Variants in ATG7 observed in about 807,000 individuals in gnomAD.
ATG7 encodes the protein autophagy related 7.
ATG7 carries 70 observed loss-of-function variants against 82.4 expected under a neutral mutation model. That is an observed-to-expected ratio of 0.85 (90% CI 0.70 to 1.04). ATG7 has a LOEUF of 1.04. Ranked by LOEUF, ATG7 falls within the 50% of genes least tolerant of loss-of-function variation. The pLI, the probability that ATG7 is intolerant of heterozygous loss-of-function variation, is 0.00. For synonymous variants in ATG7, 287 were observed against 313.0 expected (o/e 0.92, Z 0.88); for missense variants, 792 against 864.3 (o/e 0.92, Z 1.05).
intron 19 of ATG7, among the ~76,000 whole-genome samples, chr3:11,393,049 G>A (rs1345344065): frequency 7.2e-5 from 11 of 152,122 alleles, no homozygotes; most frequent in African/African-American, 2.4e-4. Context: ...CTCAATACAG[G>A]ACACATCTAA....
chr3:11,495,544 G>A (rs2090759514), intron 20 of ATG7, among the ~76,000 whole-genome samples: 1 of 152,136 alleles, frequency 6.6e-6, no homozygotes, highest in Non-Finnish European at 1.5e-5. Context: ...GACTAGTTGT[G>A]CTCCAGAAGG....
chr3:11,390,327 A>T (rs1021836450), intron 19 of ATG7, among the ~76,000 whole-genome samples: 1 of 152,230 alleles, frequency 6.6e-6, no homozygotes, highest in Non-Finnish European at 1.5e-5. Flanking sequence ...GAGTAAGAAA[A>T]CAAAAACATG....
chr3:11,536,657 C>G (rs532212248), intron 20 of ATG7, among the ~76,000 whole-genome samples: 1 of 152,344 alleles, frequency 6.6e-6, no homozygotes, highest in Non-Finnish European at 1.5e-5. Flanking sequence ...AGCGGACCCT[C>G]TTGCCACTGC....
At chr3:11,513,281 C>T (rs546179600) in intron 20 of ATG7, among the ~76,000 whole-genome samples, 13 of 152,322 alleles carry the variant, frequency 8.5e-5, no homozygotes, top group South Asian at 4.1e-4. Flanking sequence ...TGAGACTGGG[C>T]GCCGTGGAGC....
At chr3:11,554,399 A>G (rs1333007207) in intron 20 of ATG7, among the ~76,000 whole-genome samples, 2 of 152,216 alleles carry the variant, frequency 1.3e-5, no homozygotes, top group Non-Finnish European at 2.9e-5. Flanking sequence ...GCACGTGCCC[A>G]TGCCAGAATT....
intron 19 of ATG7, among the ~76,000 whole-genome samples, chr3:11,406,867 A>G (rs1039836953): frequency 2.0e-5 from 3 of 152,176 alleles, no homozygotes; most frequent in Admixed American, 1.3e-4. Context: ...CTCCCATAAC[A>G]TATGGGAATT....
chr3:11,448,161 A>G (rs182104619), intron 20 of ATG7, among the ~76,000 whole-genome samples: 125 of 152,300 alleles, frequency 8.2e-4, no homozygotes, highest in Admixed American at 2.4e-3. Context: ...GTCTTTATTC[A>G]CTGAGGCTTT....
At chr3:11,295,229 ACAGTG>A (rs1206911050) in intron 3 of ATG7, among the ~76,000 whole-genome samples, 1 of 152,212 alleles carries the variant, frequency 6.6e-6, no homozygotes, top group Non-Finnish European at 1.5e-5. Flanking sequence ...AATTTTAGGG[ACAGTG>A]ATGTGTTGTC....
intron 9 of ATG7, among the ~76,000 whole-genome samples, chr3:11,321,748 C>A (rs1950254387): frequency 6.6e-6 from 1 of 152,190 alleles, no homozygotes; most frequent in African/African-American, 2.4e-5. Flanking sequence ...TAACAACACC[C>A]CCTTCCTTGT....
intron 20 of ATG7, among the ~76,000 whole-genome samples, chr3:11,470,004 A>AAAAAAAAAAAAAG (rs2087292912): frequency 7.3e-6 from 1 of 137,434 alleles, no homozygotes; most frequent in African/African-American, 2.7e-5. Context: ...AAAAAAAAAA[A>AAAAAAAAAAAAAG]AAAAAGAGAG....
At chr3:11,343,898 T>C (rs1013485696) in intron 13 of ATG7, among the ~76,000 whole-genome samples, 1 of 152,212 alleles carries the variant, frequency 6.6e-6, no homozygotes, top group African/African-American at 2.4e-5. Flanking sequence ...ATAGATAAAT[T>C]AGAAGGGATT....
chr3:11,342,193 A>G lies in ATG7; in HGVS notation c.1039A>G (p.Thr347Ala). The change falls in exon 13 of 21, where the codon ACT becomes GCT. Residue 347 changes from threonine (T) to alanine (A), a missense_variant. By Grantham distance (58) the Thr-to-Ala change is moderately conservative (BLOSUM62 0). Coordinates refer to ENST00000693202, the MANE Select transcript of ATG7 (RefSeq NM_001349232.2). Reference protein sequence around the residue: ...LKLMCWRLVPTLDLDKVVSVK... With the variant: ...LKLMCWRLVPALDLDKVVSVK... Reference sequence around the variant, plus strand: ...ACTGATGTGTTGGAGATTGGTTCCTACTTTAGACTTGGACAAGGTTGTGTC... The same window carrying G: ...ACTGATGTGTTGGAGATTGGTTCCTGCTTTAGACTTGGACAAGGTTGTGTC... The G allele has an allele frequency of 6.2e-7, 1 of 1,613,460 alleles. No individual in the cohort carries two copies. The highest frequency in any genetic ancestry group is 8.5e-7 in the Non-Finnish European group (1 of 1,179,968).
chr3:11,529,904 C>T (rs188074304), intron 20 of ATG7: 4 of 152,328 alleles, frequency 2.6e-5, no homozygotes, highest in African/African-American at 9.7e-5. Context: ...CCTTTTCTTA[C>T]TCACCCTAGC....
chr3:11,333,619 T>TAG (rs1343395415), intron 11 of ATG7, among the ~76,000 whole-genome samples: 1 of 151,862 alleles, frequency 6.6e-6, no homozygotes, highest in Non-Finnish European at 1.5e-5. Flanking sequence ...ATTTTATCTA[T>TAG]AGAGAGATAT....
chr3:11,508,825 T>C (rs537066224), intron 20 of ATG7, among the ~76,000 whole-genome samples: 10 of 152,218 alleles, frequency 6.6e-5, no homozygotes, highest in Admixed American at 6.5e-4. Context: ...ACTTCACAAG[T>C]GTTGGCTTCT....
chr3:11,386,483 C>T (rs1366101275), intron 19 of ATG7, among the ~76,000 whole-genome samples: 1 of 152,270 alleles, frequency 6.6e-6, no homozygotes, highest in East Asian at 1.9e-4. Flanking sequence ...CTCCCTGCTT[C>T]TCAGATTTGA....
rs137963741 is a variant in ATG7, at chr3:11,295,616, A to G, written c.-10-3070A>G. Among the ~76,000 whole-genome samples, 518 of 152,258 alleles carry G rather than the reference A, an allele frequency of 3.4e-3. 7 individuals carry two copies. In the East Asian group the frequency reaches 0.056, roughly 17 times the overall value. ...GCACTCCTTTTAAACATTAAATACA[A>G]TGTTTAAATGACCAGTCATTTTCTT... On this transcript the variant is annotated intron_variant, in intron 3 of 20. Coordinates refer to ENST00000693202, the MANE Select transcript of ATG7 (RefSeq NM_001349232.2).
chr3:11,485,911 T>C (rs1402536970), intron 20 of ATG7, among the ~76,000 whole-genome samples: 1 of 152,106 alleles, frequency 6.6e-6, no homozygotes, highest in African/African-American at 2.4e-5. Context: ...ATCTCTGTTT[T>C]GGTACCAGTA....
chr3:11,558,658 G>A (rs142310753), downstream of ATG7: 73 of 1,612,598 alleles, frequency 4.5e-5, no homozygotes, highest in Admixed American at 3.7e-4. Context: ...TGGATGCTCC[G>A]TCCTTGGCCG....
Sources: gnomAD v4.1 joint callset for allele counts (sites outside exome capture counted in the v4.1 genomes callset) on GRCh38, gnomAD v4.1.1 for gene constraint, MANE v1.5 for transcripts, NCBI Gene and HGNC (gene_info 2026-07-23, HGNC 2026-07-21) for gene names.